RYR2: variants seen among roughly 807,000 people sequenced by gnomAD.
RYR2 encodes cardiac muscle ryanodine receptor-calcium release channel.
In RYR2, 227 loss-of-function variants were observed where a neutral mutation model predicts 601.1. The ratio of observed to expected loss-of-function variants is 0.38; its 90% CI spans 0.34 to 0.42. RYR2 has a LOEUF of 0.42. Among genes scored for constraint, RYR2 ranks in the 10% least tolerant of loss-of-function variants. RYR2 has a pLI of 1.00. For synonymous variants in RYR2, 2,223 were observed against 2,175.1 expected, an observed-to-expected ratio of 1.02 and a Z score of -0.61; for missense variants, 4,646 against 6,156.5, an observed-to-expected ratio of 0.75 and a Z score of 8.21.
intron 2 of RYR2, among the ~76,000 whole-genome samples, chr1:237,290,407 A>G (rs528263664): frequency 2.6e-5 from 4 of 152,218 alleles, no homozygotes; most frequent in Non-Finnish European, 4.4e-5. Flanking sequence ...ATTCCATAAA[A>G]TAGATGGAAG....
At chr1:237,608,077 A>G (rs1045687313) in intron 35 of RYR2, among the ~76,000 whole-genome samples, 7 of 152,346 alleles carry the variant, frequency 4.6e-5, no homozygotes, top group African/African-American at 1.7e-4. Context: ...AATTTTCATC[A>G]TCAAGAAATC....
intron 1 of RYR2, among the ~76,000 whole-genome samples, chr1:237,181,307 G>A (rs561904015): frequency 4.0e-5 from 6 of 149,048 alleles, no homozygotes; most frequent in African/African-American, 1.0e-4. Context: ...ATACATTACC[G>A]TATCTAATCC....
At chr1:237,735,286 T>TTG (rs1691041680) in intron 79 of RYR2, among the ~76,000 whole-genome samples, 1 of 152,186 alleles carries the variant, frequency 6.6e-6, no homozygotes, top group Admixed American at 6.5e-5. Flanking sequence ...AATAGTATAG[T>TTG]TGTTTCTTCA....
intron 1 of RYR2, among the ~76,000 whole-genome samples, chr1:237,052,419 A>T (rs994237727): frequency 2.0e-5 from 3 of 152,216 alleles, no homozygotes; most frequent in African/African-American, 7.2e-5. Flanking sequence ...ATTATAAAAT[A>T]TGAAAAAAAC....
chr1:237,663,926 A>G (rs1684046059), intron 56 of RYR2, among the ~76,000 whole-genome samples: 1 of 152,228 alleles, frequency 6.6e-6, no homozygotes, highest in Admixed American at 6.5e-5. Flanking sequence ...AATAGAGTAT[A>G]TAAGGGCTGA....
rs143294628 is a variant in RYR2 at position 237,653,650 on chromosome 1, C to G, written c.7825-624C>G. Among the ~76,000 whole-genome samples the G allele has an allele frequency of 9.3e-3, 1,417 of 152,260 alleles. 18 individuals carry two copies. Among genetic ancestry groups the G allele is most frequent in the African/African-American group, 0.03 (1,241 of 41,552 alleles). On this transcript the variant is annotated intron_variant, in intron 51 of 104. Coordinates refer to ENST00000366574, the MANE Select transcript of RYR2 (RefSeq NM_001035.3). ...GAGTTTATTAAGGAGTATTGACTCA[C>G]ACGATCACCGGGTGAAGTCCCACAA...
rs527441443 is a variant in RYR2 at position 237,459,462 on chromosome 1, C to A, written c.1612+2727C>A. Among the ~76,000 whole-genome samples, 3 of 152,200 alleles carry A rather than the reference C, an allele frequency of 2.0e-5. No homozygotes were observed. The South Asian group carries it at 6.2e-4, about 32-fold the overall frequency. On this transcript the variant is annotated intron_variant, in intron 16 of 104. Coordinates refer to ENST00000366574, the MANE Select transcript of RYR2 (RefSeq NM_001035.3). ...GAATGTTTGAGGGTAGAAAGTGTTA[C>A]GTGCAGAAAGAACATTGTTTTTTAG... is the stretch of plus-strand genomic sequence containing the variant.
intron 1 of RYR2, among the ~76,000 whole-genome samples, chr1:237,089,870 G>T (rs1341101741): frequency 6.6e-6 from 1 of 152,106 alleles, no homozygotes; most frequent in Non-Finnish European, 1.5e-5. Context: ...GGTGTGGTCG[G>T]CTGAATAAGG....
At chr1:237,105,727 G>A (rs1359734366) in intron 1 of RYR2, among the ~76,000 whole-genome samples, 1 of 151,520 alleles carries the variant, frequency 6.6e-6, no homozygotes. Flanking sequence ...CCAACTACTT[G>A]GGAGGCTGAA....
At chr1:237,176,266 A>T (rs28372412) in intron 1 of RYR2, among the ~76,000 whole-genome samples, 4,693 of 20,660 alleles carry the variant, frequency 0.23, 134 homozygotes, top group Admixed American at 0.34. Context: ...TATATATATA[A>T]AAAATGAAAT....
intron 63 of RYR2, among the ~76,000 whole-genome samples, chr1:237,696,830 T>A (rs1298338983): frequency 6.6e-6 from 1 of 152,172 alleles, no homozygotes; most frequent in Non-Finnish European, 1.5e-5. Flanking sequence ...TCTCAAGTTC[T>A]TCACCACTGA....
intron 2 of RYR2, among the ~76,000 whole-genome samples, chr1:237,286,526 A>T (rs1202467879): frequency 5.7e-5 from 1 of 17,602 alleles, no homozygotes; most frequent in South Asian, 4.1e-3. Flanking sequence ...TGTTAAGTCC[A>T]TTTCTTCCAA....
chr1:237,494,639 T>C (rs188448632), intron 19 of RYR2, among the ~76,000 whole-genome samples: 1 of 152,074 alleles, frequency 6.6e-6, no homozygotes, highest in African/African-American at 2.4e-5. Context: ...AATGAACACA[T>C]AAATAAATGA....
chr1:237,718,638 T>G, intron 73 of RYR2, 117 bp downstream of exon 73: 1 of 469,736 alleles, frequency 2.1e-6, no homozygotes, highest in South Asian at 5.9e-5. Context: ...CATATTTTAA[T>G]TAGTCATTAT....
intron 1 of RYR2, among the ~76,000 whole-genome samples, chr1:237,045,538 AG>A: frequency 6.6e-6 from 1 of 152,258 alleles, no homozygotes; most frequent in Non-Finnish European, 1.5e-5. Context: ...TTTATCTTTG[AG>A]AGAGATTGAA....
chr1:237,804,808 C>A (rs77285171), intron 98 of RYR2, among the ~76,000 whole-genome samples: 2,174 of 152,156 alleles, frequency 0.014, 58 homozygotes, highest in African/African-American at 0.05. Context: ...TAGGTCTCAG[C>A]AAACACTGAT....
chr1:237,280,093 C>A (rs1048487511), intron 2 of RYR2, among the ~76,000 whole-genome samples: 6 of 152,118 alleles, frequency 3.9e-5, no homozygotes, highest in Admixed American at 2.0e-4. Context: ...TAGAGCAATA[C>A]TTTATATTCG....
In RYR2 at chr1:237,180,370, C is replaced by T. The variant is rs1399636128; in HGVS notation, c.49-90127C>T. On this transcript the variant is annotated intron_variant, in intron 1 of 104. Coordinates refer to ENST00000366574, the MANE Select transcript of RYR2 (RefSeq NM_001035.3). This position sits in a 1 kb window ranked among gnomAD's most constrained non-coding sequence, Gnocchi z 5.3. ...GCTGCTGGATGTGACTTGCATTTCA[C>T]ATTTTCCCAGTGATTTGGGCCTGAT... Among the ~76,000 whole-genome samples, 3 of 152,022 alleles carry T rather than the reference C, an allele frequency of 2.0e-5. No homozygotes were observed. The highest frequency in any genetic ancestry group is 4.8e-5 in the African/African-American group (2 of 41,384).
chr1:237,133,437 G>T (rs936958768), intron 1 of RYR2, among the ~76,000 whole-genome samples: 1 of 152,180 alleles, frequency 6.6e-6, no homozygotes, highest in Admixed American at 6.5e-5. Context: ...TGAAGACCTA[G>T]ATATTTTGCT....
Sources: gnomAD v4.1 joint callset for allele counts (sites outside exome capture counted in the v4.1 genomes callset) on GRCh38, gnomAD v4.1.1 for gene constraint, Gnocchi (gnomAD v3.1) non-coding constraint, MANE v1.5 for transcripts, NCBI Gene and HGNC (gene_info 2026-07-23, HGNC 2026-07-21) for gene names.